Variants in SF3B3 observed in about 807,000 individuals in gnomAD.
The protein encoded by SF3B3 is splicing factor 3b subunit 3, also known as SAP 130.
SF3B3 carries 33 observed loss-of-function variants against 139.2 expected under a neutral mutation model. That is an observed-to-expected ratio of 0.24 (90% CI 0.18 to 0.32). The LOEUF (loss-of-function observed/expected upper bound fraction) is 0.32. SF3B3 is among the 10% of genes least tolerant of loss of function. The pLI is 1.00. For missense variants in SF3B3, 818 were observed against 1,509.4 expected (o/e 0.54, Z 7.59); for synonymous variants, 596 against 563.6 (o/e 1.06, Z -0.81).
chr16:70,541,334 T>A (rs1176068457), intron 8 of SF3B3, among the ~76,000 whole-genome samples: 1 of 152,264 alleles, frequency 6.6e-6, no homozygotes, highest in African/African-American at 2.4e-5. Flanking sequence ...ACTAGACCCT[T>A]GTCAGAAATA....
chr16:70,557,421 C>G (rs534269720), intron 15 of SF3B3, among the ~76,000 whole-genome samples: 1 of 152,278 alleles, frequency 6.6e-6, no homozygotes, highest in African/African-American at 2.4e-5. Flanking sequence ...TTGCTGAGCT[C>G]TTTGTGCCGT....
At chr16:70,568,965 C>A in intron 22 of SF3B3, 78 bp from the exon 23 acceptor site, 1 of 1,025,730 alleles carries the variant, frequency 9.7e-7, no homozygotes, top group Non-Finnish European at 1.4e-6. Context: ...TTGCAAAGAC[C>A]TGGCCAGACC....
Position 70,567,312 on chromosome 16 carries a change from T to C in SF3B3, c.2827-99T>C. 3 of 1,332,918 alleles carry C rather than the reference T, an allele frequency of 2.3e-6. 1 individual carries two copies. The highest frequency in any genetic ancestry group is 3.1e-6 in the Non-Finnish European group (3 of 967,962). 82.6% of individuals were successfully genotyped at this position (1,332,918 alleles called of 1,614,324 possible). On this transcript the variant is annotated intron_variant, in intron 20 of 25. Transcript: ENST00000302516. ...ATAAGCTCACTGGTGTGTTTCTTAA[T>C]GATAGGCTCCTGTGGAAGTAGGCAT...
chr16:70,562,456 G>GGGTCTTTTCAT (rs1303624246), intron 17 of SF3B3, among the ~76,000 whole-genome samples: 1 of 152,134 alleles, frequency 6.6e-6, no homozygotes, highest in Non-Finnish European at 1.5e-5. Flanking sequence ...ACAACTTTCA[G>GGGTCTTTTCAT]GGTCTTTTCA....
At chr16:70,561,908 T>C (rs898002580) in intron 17 of SF3B3, 124 bp downstream of exon 17, 12 of 779,336 alleles carry the variant, frequency 1.5e-5, no homozygotes, top group African/African-American at 1.4e-4. Context: ...CCATGAAGCT[T>C]GTGTGTTGCA....
At chr16:70,560,807 C>T (rs1279538495) in intron 16 of SF3B3, among the ~76,000 whole-genome samples, 11 of 152,156 alleles carry the variant, frequency 7.2e-5, no homozygotes, top group South Asian at 2.1e-4. Flanking sequence ...GTAGAGATAT[C>T]GATCCCTTTA....
intron 10 of SF3B3, among the ~76,000 whole-genome samples, chr16:70,547,670 C>T (rs530509061): frequency 6.6e-6 from 1 of 152,156 alleles, no homozygotes; most frequent in African/African-American, 2.4e-5. Context: ...CTCAGCTCAC[C>T]GCAACCTCCG....
intron 2 of SF3B3, among the ~76,000 whole-genome samples, chr16:70,527,362 C>A (rs2050073970): frequency 6.6e-6 from 1 of 152,134 alleles, no homozygotes; most frequent in Admixed American, 6.5e-5. Context: ...AAAACTTTTT[C>A]TTGCCATTTG....
At chr16:70,542,567 G>A (rs1034063394) in intron 9 of SF3B3, among the ~76,000 whole-genome samples, 1 of 152,134 alleles carries the variant, frequency 6.6e-6, no homozygotes. Flanking sequence ...TGATGGGAGA[G>A]GAGTTTGTTC....
chr16:70,529,436 T>C, intron 3 of SF3B3: 4 of 531,112 alleles, frequency 7.5e-6, no homozygotes, highest in Non-Finnish European at 1.3e-5. Context: ...GTTTTTCAAT[T>C]TCTTTTTCTT....
intron 3 of SF3B3, chr16:70,529,418 A>G (rs959224312): frequency 3.6e-6 from 2 of 556,512 alleles, no homozygotes; most frequent in Non-Finnish European, 3.2e-6. Flanking sequence ...ATCTAGTTGG[A>G]AATGGGTGTT....
chr16:70,559,243 G>A (rs967837043), intron 15 of SF3B3, among the ~76,000 whole-genome samples: 2 of 152,080 alleles, frequency 1.3e-5, no homozygotes, highest in African/African-American at 4.8e-5. Context: ...GACAAAATTC[G>A]CATCATTTCT....
At position 70,575,932 on chromosome 16, in the gene SF3B3, A is replaced by G. The variant is rs1231905691; in HGVS notation, c.*4119A>G. 6.6e-6 allele frequency: 1 copy of G among 152,210 alleles called. No individual in the cohort carries two copies. Among genetic ancestry groups the G allele is most frequent in the African/African-American group, 2.4e-5 (1 of 41,454 alleles). 9.4% of individuals were successfully genotyped at this position (152,210 alleles called of 1,614,324 possible). A position where few individuals can be genotyped will look rare whatever the true frequency, so the allele number is the denominator to read the frequency against. On this transcript the variant is annotated 3_prime_UTR_variant, in exon 26 of 26. Transcript: ENST00000302516. ...GAACAGATTCCTGGGGTCTGCTCCC[A>G]ATTATTCACACGGTGGTTCATGCCT...
Position 70,575,036 on chromosome 16 carries a change from T to A in SF3B3, c.*3223T>A, listed in dbSNP as rs1339865220. The A allele has an allele frequency of 6.6e-6, 1 of 152,150 alleles. No homozygotes were observed. Among genetic ancestry groups the A allele is most frequent in the Non-Finnish European group, 1.5e-5 (1 of 68,032 alleles). 9.4% of individuals were successfully genotyped at this position (152,150 alleles called of 1,614,324 possible). A position where few individuals can be genotyped will look rare whatever the true frequency, so the allele number is the denominator to read the frequency against. ...ACAAGATAGGGACTCTTAAAACACC[T>A]GCTTGGCCATGGTTGATTGACATTT... On this transcript the variant is annotated 3_prime_UTR_variant, in exon 26 of 26. Transcript: ENST00000302516.
chr16:70,560,322 A>G lies in SF3B3; in HGVS notation c.2011-147A>G, dbSNP rs576512321. 1.7e-5 allele frequency: 12 copies of G among 704,748 alleles called. No homozygotes were observed. The South Asian group carries it at 2.3e-4, about 13-fold the overall frequency. 43.7% of individuals were successfully genotyped at this position (704,748 alleles called of 1,614,324 possible). A position where few individuals can be genotyped will look rare whatever the true frequency, so the allele number is the denominator to read the frequency against. On this transcript the variant is annotated intron_variant, in intron 15 of 25. Coordinates refer to ENST00000302516, the MANE Select transcript of SF3B3 (RefSeq NM_012426.5). ...TACTGAGAGAATGAAATGAATGGCT[A>G]TCGGATTATTAGGATCTTTTTTAAA...
intron 5 of SF3B3, 23 bp from the exon 6 acceptor site, chr16:70,535,285 C>G: frequency 7.6e-7 from 1 of 1,307,548 alleles, no homozygotes; most frequent in Non-Finnish European, 1.1e-6. Context: ...AAAGTCACTG[C>G]TAAGTTTTAT....
At chr16:70,539,021 A>G in intron 7 of SF3B3, 83 bp from the exon 8 acceptor site, 1 of 988,380 alleles carries the variant, frequency 1.0e-6, no homozygotes, top group South Asian at 1.3e-5. Flanking sequence ...ACAGTATTTT[A>G]TTTGCTACTC....
At position 70,529,212 on chromosome 16, in the gene SF3B3, C is replaced by T; in HGVS notation, c.397+13C>T. On this transcript the variant is annotated intron_variant, in intron 3 of 25. Transcript: ENST00000302516. ...GCCGTTATGATTAGTAAGTGATTTA[C>T]TCTACTTGCTGTATATGCCTAGTTT... 6.3e-7 allele frequency: 1 copy of T among 1,599,436 alleles called. No individual in the cohort carries two copies. The highest frequency in any genetic ancestry group is 2.2e-5 in the East Asian group (1 of 44,766).
At chr16:70,525,249 A>G (rs566154010) in intron 1 of SF3B3, among the ~76,000 whole-genome samples, 1 of 151,252 alleles carries the variant, frequency 6.6e-6, no homozygotes, top group African/African-American at 2.4e-5. Context: ...GCTGGTCTCA[A>G]TTCCTGACCT....
Sources: gnomAD v4.1 joint callset for allele counts (sites outside exome capture counted in the v4.1 genomes callset) on GRCh38, gnomAD v4.1.1 for gene constraint, MANE v1.5 for transcripts, NCBI Gene and HGNC (gene_info 2026-07-23, HGNC 2026-07-21) for gene names.